The following AUTS2 variants were observed in gnomAD, a reference collection of about 807,000 sequenced individuals.
The protein encoded by AUTS2 is autism susceptibility gene 2 protein.
A neutral mutation model predicts 112.4 loss-of-function variants in AUTS2; 17 were observed. The ratio of observed to expected loss-of-function variants is 0.15; its 90% CI spans 0.10 to 0.23. The LOEUF is 0.23. AUTS2 is among the 10% of genes least tolerant of loss of function. AUTS2 has a pLI of 1.00. For synonymous variants in AUTS2, 751 were observed against 702.7 expected (o/e 1.07, Z -1.09); for missense variants, 1,510 against 1,701.6 (o/e 0.89, Z 1.98).
At chr7:70,266,037 A>C (rs1054076467) in intron 4 of AUTS2, among the ~76,000 whole-genome samples, 5 of 152,096 alleles carry the variant, frequency 3.3e-5, no homozygotes, top group Non-Finnish European at 7.4e-5. Context: ...TGGACATTCT[A>C]CTCCTAGCTA....
intron 4 of AUTS2, among the ~76,000 whole-genome samples, chr7:70,238,297 T>G (rs1174212357): frequency 6.6e-6 from 1 of 152,212 alleles, no homozygotes; most frequent in Non-Finnish European, 1.5e-5. Flanking sequence ...TGTGTTTCAT[T>G]ATGTCTCCAG....
At chr7:70,607,721 G>A (rs188180755) in intron 5 of AUTS2, among the ~76,000 whole-genome samples, 5 of 152,290 alleles carry the variant, frequency 3.3e-5, no homozygotes, top group Admixed American at 6.5e-5. Flanking sequence ...ATGTGATTAA[G>A]CTTATATGAA....
At chr7:70,226,123 C>T (rs966160065) in intron 4 of AUTS2, among the ~76,000 whole-genome samples, 4 of 152,154 alleles carry the variant, frequency 2.6e-5, no homozygotes, top group Non-Finnish European at 5.9e-5. Flanking sequence ...AAAAGCTATT[C>T]TGTTGCTTGT....
chr7:70,425,957 AT>A (rs1427183222), intron 4 of AUTS2, among the ~76,000 whole-genome samples: 22 of 152,168 alleles, frequency 1.4e-4, no homozygotes, highest in African/African-American at 5.1e-4. Flanking sequence ...TTATATGTTT[AT>A]TAACTCAATT....
chr7:69,821,987 G>T (rs1029919760), intron 1 of AUTS2, among the ~76,000 whole-genome samples: 2 of 151,828 alleles, frequency 1.3e-5, no homozygotes, highest in South Asian at 2.1e-4. Context: ...GCCACTGAAG[G>T]TTATTGAGCA....
chr7:69,704,139 T>C (rs952852312), intron 1 of AUTS2, among the ~76,000 whole-genome samples: 3 of 152,168 alleles, frequency 2.0e-5, no homozygotes, highest in Non-Finnish European at 4.4e-5. Context: ...GCTATCACAG[T>C]GGTCTTTCAG....
chr7:70,291,344 T>C (rs1788698707), intron 4 of AUTS2: 1 of 152,134 alleles, frequency 6.6e-6, no homozygotes. Context: ...TTTAATAAAA[T>C]AGGAATAACA....
At chr7:70,051,575 C>T (rs1171009837) in intron 2 of AUTS2, among the ~76,000 whole-genome samples, 1 of 151,838 alleles carries the variant, frequency 6.6e-6, no homozygotes, top group African/African-American at 2.4e-5. Flanking sequence ...AAAAATTACC[C>T]AGGCGTGGTG....
chr7:70,005,850 T>A (rs1238318005), intron 2 of AUTS2, among the ~76,000 whole-genome samples: 1 of 152,208 alleles, frequency 6.6e-6, no homozygotes, highest in African/African-American at 2.4e-5. Flanking sequence ...TCCAAAGTTT[T>A]TTGAAAATTG....
chr7:69,914,610 C>A (rs1311238849), intron 2 of AUTS2, among the ~76,000 whole-genome samples: 1 of 151,746 alleles, frequency 6.6e-6, no homozygotes, highest in Non-Finnish European at 1.5e-5. Context: ...GGTAGAATTG[C>A]TAGTGCAGCC....
chr7:70,363,201 C>A (rs1792356478), intron 4 of AUTS2, among the ~76,000 whole-genome samples: 1 of 152,126 alleles, frequency 6.6e-6, no homozygotes, highest in African/African-American at 2.4e-5. Flanking sequence ...ATGTAGATCA[C>A]CAGTCTCTAA....
chr7:70,577,177 T>G (rs1009366679), intron 5 of AUTS2, among the ~76,000 whole-genome samples: 6 of 152,180 alleles, frequency 3.9e-5, no homozygotes, highest in Admixed American at 6.5e-5. Context: ...TACGAATAAT[T>G]GAGCCTTTTT....
At chr7:70,285,253 C>T (rs546039342) in intron 4 of AUTS2, among the ~76,000 whole-genome samples, 3 of 152,218 alleles carry the variant, frequency 2.0e-5, no homozygotes, top group South Asian at 2.1e-4. Flanking sequence ...CTTCAGGAAC[C>T]GTAATGACTG....
intron 5 of AUTS2, among the ~76,000 whole-genome samples, chr7:70,613,152 C>G (rs1804182007): frequency 6.6e-6 from 1 of 151,798 alleles, no homozygotes; most frequent in Non-Finnish European, 1.5e-5. Context: ...TTAAAGCTGT[C>G]ATTTGGAGCT....
At chr7:70,085,967 T>A (rs1212996924) in intron 2 of AUTS2, among the ~76,000 whole-genome samples, 1 of 152,322 alleles carries the variant, frequency 6.6e-6, no homozygotes, top group East Asian at 1.9e-4. Flanking sequence ...ACATGTGTAC[T>A]GCAAAGCCTA....
intron 4 of AUTS2, among the ~76,000 whole-genome samples, chr7:70,311,504 C>T (rs915619922): frequency 2.0e-5 from 3 of 152,186 alleles, no homozygotes; most frequent in Non-Finnish European, 4.4e-5. Context: ...GTGCTGAATT[C>T]TGTTCCCAAG....
chr7:70,521,824 G>A (rs1799659514), intron 5 of AUTS2, among the ~76,000 whole-genome samples: 2 of 152,128 alleles, frequency 1.3e-5, no homozygotes, highest in African/African-American at 4.8e-5. Context: ...TGAGACTGGG[G>A]CTATCTTGCT....
intron 5 of AUTS2, among the ~76,000 whole-genome samples, chr7:70,486,375 A>C (rs1486907671): frequency 6.6e-6 from 1 of 152,252 alleles, no homozygotes; most frequent in African/African-American, 2.4e-5. Context: ...GATTAAATGA[A>C]GTAATAGTAG....
At chr7:69,995,179 A>G (rs1274081220) in intron 2 of AUTS2, among the ~76,000 whole-genome samples, 1 of 152,170 alleles carries the variant, frequency 6.6e-6, no homozygotes, top group Non-Finnish European at 1.5e-5. Context: ...CTTTTTGTTT[A>G]GGCTTACTAA....
Sources: gnomAD v4.1 joint callset for allele counts (sites outside exome capture counted in the v4.1 genomes callset) on GRCh38, gnomAD v4.1.1 for gene constraint, MANE v1.5 for transcripts, NCBI Gene and HGNC (gene_info 2026-07-23, HGNC 2026-07-21) for gene names.